Variants in EYS observed in about 807,000 individuals in gnomAD.
The protein encoded by EYS is EGF-like photoreceptor maintenance factor, also known as protein eyes shut homolog.
A neutral mutation model predicts 282.1 loss-of-function variants in EYS; 250 were observed. The observed-to-expected ratio is 0.89, with a 90% CI of 0.80 to 0.98. EYS has a LOEUF of 0.98. Ranked by LOEUF, EYS falls within the 50% of genes least tolerant of loss-of-function variation. The probability of loss-of-function intolerance (pLI) is 0.00; values close to 1 mark genes in which losing one functional copy is unlikely to be tolerated. For missense variants in EYS, 4,016 were observed against 3,709.0 expected, an observed-to-expected ratio of 1.08 and a Z score of -2.15; for synonymous variants, 1,355 against 1,282.9, an observed-to-expected ratio of 1.06 and a Z score of -1.20.
At chr6:65,042,358 G>A (rs1329628687) in intron 13 of EYS, among the ~76,000 whole-genome samples, 1 of 151,100 alleles carries the variant, frequency 6.6e-6, no homozygotes, top group Non-Finnish European at 1.5e-5. Context: ...ACATTTTATG[G>A]AATTATTTTG....
chr6:64,448,650 A>G (rs575306296), intron 26 of EYS, among the ~76,000 whole-genome samples: 1 of 152,110 alleles, frequency 6.6e-6, no homozygotes, highest in African/African-American at 2.4e-5. Context: ...TACTCCTCTG[A>G]GACAAAACTT....
chr6:64,792,351 AT>A (rs1223705341), intron 22 of EYS, among the ~76,000 whole-genome samples: 37 of 151,974 alleles, frequency 2.4e-4, no homozygotes, highest in South Asian at 8.3e-4. Flanking sequence ...ATCAGGAAAT[AT>A]TTTTTTAGAC....
chr6:64,120,974 CTTTG>C (rs1057169821), intron 31 of EYS, among the ~76,000 whole-genome samples: 3 of 152,088 alleles, frequency 2.0e-5, no homozygotes, highest in Non-Finnish European at 2.9e-5. Flanking sequence ...GGAGAGAAGT[CTTTG>C]TTTATTTGCT....
intron 19 of EYS, among the ~76,000 whole-genome samples, chr6:64,826,686 A>ATATAAATATATGATTTTATG (rs1765070071): frequency 1.9e-5 from 1 of 53,864 alleles, no homozygotes; most frequent in Non-Finnish European, 3.9e-5. Context: ...TTTTATGTAT[A>ATATAAATATATGATTTTATG]TATATATATA....
At chr6:65,679,291 T>C (rs1768735914) in intron 1 of EYS, among the ~76,000 whole-genome samples, 1 of 151,880 alleles carries the variant, frequency 6.6e-6, no homozygotes, top group Non-Finnish European at 1.5e-5. Context: ...AAGTTGCATA[T>C]ATGTGTATGT....
intron 12 of EYS, among the ~76,000 whole-genome samples, chr6:65,183,016 C>T (rs1562009502): frequency 6.6e-6 from 1 of 151,914 alleles, no homozygotes; most frequent in Non-Finnish European, 1.5e-5. Flanking sequence ...GTCTCAAACT[C>T]CTGAGCTCAA....
intron 12 of EYS, among the ~76,000 whole-genome samples, chr6:65,100,423 ACATT>A (rs1470917407): frequency 6.6e-6 from 1 of 150,916 alleles, no homozygotes; most frequent in Non-Finnish European, 1.5e-5. Context: ...TTTTAAAATG[ACATT>A]CAAAGAATAA....
At chr6:64,234,364 T>C (rs577670301) in intron 30 of EYS, among the ~76,000 whole-genome samples, 10 of 152,274 alleles carry the variant, frequency 6.6e-5, no homozygotes, top group African/African-American at 2.2e-4. Flanking sequence ...TTCACCTAAA[T>C]GTAGTTTTTG....
At chr6:65,115,379 C>T (rs1259353142) in intron 12 of EYS, among the ~76,000 whole-genome samples, 1 of 151,932 alleles carries the variant, frequency 6.6e-6, no homozygotes, top group African/African-American at 2.4e-5. Context: ...TAGCAAACTG[C>T]ATTCTTTTCT....
intron 12 of EYS, among the ~76,000 whole-genome samples, chr6:65,271,014 C>G (rs751639379): frequency 1.3e-5 from 2 of 150,888 alleles, no homozygotes; most frequent in Non-Finnish European, 3.0e-5. Flanking sequence ...AGCTTCTATC[C>G]ATTATCCAGT....
intron 1 of EYS, among the ~76,000 whole-genome samples, chr6:65,673,198 A>C (rs1026719307): frequency 6.6e-6 from 1 of 152,040 alleles, no homozygotes; most frequent in Non-Finnish European, 1.5e-5. Flanking sequence ...ATAGTGTTGA[A>C]GTGTTGGAGT....
At chr6:65,456,720 T>TAAA (rs149063290) in intron 5 of EYS, among the ~76,000 whole-genome samples, 3 of 146,074 alleles carry the variant, frequency 2.1e-5, no homozygotes, top group African/African-American at 7.6e-5. Flanking sequence ...CCCTTCATGA[T>TAAA]AAAAAAAAAA....
chr6:64,703,370 A>AACAC (rs1562143967), intron 22 of EYS, among the ~76,000 whole-genome samples: 1 of 80,312 alleles, frequency 1.2e-5, no homozygotes, highest in Non-Finnish European at 2.8e-5. Flanking sequence ...TACACATACA[A>AACAC]ACACACACAC....
At chr6:64,090,775 C>G (rs57221164) in intron 31 of EYS, among the ~76,000 whole-genome samples, 1 of 152,142 alleles carries the variant, frequency 6.6e-6, no homozygotes, top group Non-Finnish European at 1.5e-5. Flanking sequence ...TCCCATCCTT[C>G]CACTCACCAC....
chr6:65,510,566 C>T (rs1350276285), intron 2 of EYS, among the ~76,000 whole-genome samples: 1 of 152,104 alleles, frequency 6.6e-6, no homozygotes, highest in Non-Finnish European at 1.5e-5. Context: ...GGTTGAAGAT[C>T]ATTTTCCTGT....
intron 30 of EYS, among the ~76,000 whole-genome samples, chr6:64,257,302 A>C (rs1034106698): frequency 6.6e-6 from 1 of 152,034 alleles, no homozygotes; most frequent in African/African-American, 2.4e-5. Flanking sequence ...CTATTCTCTG[A>C]GGACTTTTAA....
rs114282214 is a variant in EYS, at chr6:64,813,476, T to C, written c.3345A>G (p.Glu1115=). 1,648 of 1,550,650 alleles carry C rather than the reference T, an allele frequency of 1.1e-3. 21 individuals are homozygous for C. In the African/African-American group the frequency reaches 0.021, roughly 20 times the overall value. ...CPRGYTGAYC[E]KSIDNCAEPE... Reference sequence around the variant, plus strand: ...GCTCAGCACAATTATCAATGCTTTTTTCACAGTATGCACCAGTGTATCCAC... The same window carrying C: ...GCTCAGCACAATTATCAATGCTTTTCTCACAGTATGCACCAGTGTATCCAC... The change falls in exon 22 of 43, where the codon GAA becomes GAG. Residue 1115 remains glutamate (E), a synonymous_variant. Coordinates refer to ENST00000503581, the MANE Select transcript of EYS (RefSeq NM_001142800.2).
At chr6:65,454,329 TAA>T (rs1405621865) in intron 5 of EYS, among the ~76,000 whole-genome samples, 2 of 151,958 alleles carry the variant, frequency 1.3e-5, no homozygotes, top group Non-Finnish European at 2.9e-5. Flanking sequence ...AAATGTATAT[TAA>T]GTTTTTTTGC....
At chr6:65,030,627 G>A (rs1772571532) in intron 13 of EYS, among the ~76,000 whole-genome samples, 1 of 152,160 alleles carries the variant, frequency 6.6e-6, no homozygotes, top group South Asian at 2.1e-4. Context: ...TCGGGGTATT[G>A]TTGCCAGTGG....
Sources: allele counts gnomAD v4.1 joint callset (sites outside exome capture counted in the v4.1 genomes callset), GRCh38; gene constraint gnomAD v4.1.1; transcripts MANE v1.5; gene names NCBI Gene and HGNC (gene_info 2026-07-23, HGNC 2026-07-21).